TMCO5A: variants seen among roughly 807,000 people sequenced by gnomAD.
The protein encoded by TMCO5A is transmembrane and coiled-coil domains 5A.
A neutral mutation model predicts 42.3 loss-of-function variants in TMCO5A; 34 were observed. The observed-to-expected ratio is 0.80, with a 90% CI of 0.61 to 1.07. The LOEUF is 1.07. Among genes scored for constraint, TMCO5A ranks in the 50% least tolerant of loss-of-function variants. The pLI, the probability that TMCO5A is intolerant of heterozygous loss-of-function variation, is 0.00. For missense variants in TMCO5A, 357 were observed against 327.9 expected, an observed-to-expected ratio of 1.09 and a Z score of -0.69; for synonymous variants, 131 against 115.6, an observed-to-expected ratio of 1.13 and a Z score of -0.86.
chr15:37,981,200 CAAAAAAAAAAAAAA>C, the TMCO5A span, among the ~76,000 whole-genome samples: 3 of 65,346 alleles, frequency 4.6e-5, no homozygotes, highest in African/African-American at 1.1e-4. Flanking sequence ...AGAAAGCCAG[CAAAAAAAAAAAAAA>C]AAAAAAAAAA....
At chr15:38,036,814 T>C in the TMCO5A span, among the ~76,000 whole-genome samples, 1 of 152,272 alleles carries the variant, frequency 6.6e-6, no homozygotes, top group African/African-American at 2.4e-5. Context: ...TCTCTCCATC[T>C]TTAGAAGCTC....
the TMCO5A span, among the ~76,000 whole-genome samples, chr15:37,995,881 C>T: frequency 6.6e-6 from 1 of 151,754 alleles, no homozygotes; most frequent in East Asian, 1.9e-4. Context: ...AACCTGTATT[C>T]ACTTTATCCA....
the TMCO5A span, among the ~76,000 whole-genome samples, chr15:38,030,749 C>A: frequency 2.0e-5 from 3 of 152,176 alleles, no homozygotes; most frequent in African/African-American, 4.8e-5. Flanking sequence ...CCCAAACAAG[C>A]CTTTCTCTTT....
At chr15:37,936,191 A>G (rs1889503292) in intron 2 of TMCO5A, 123 bp from the exon 3 acceptor site, 1 of 1,103,168 alleles carries the variant, frequency 9.1e-7, no homozygotes, top group African/African-American at 1.6e-5. Flanking sequence ...AAGAATGAAA[A>G]TGGTATGCCC....
the TMCO5A span, among the ~76,000 whole-genome samples, chr15:38,012,857 C>T: frequency 1.3e-5 from 2 of 152,122 alleles, no homozygotes; most frequent in Non-Finnish European, 2.9e-5. Context: ...AATTATTAAT[C>T]ATTTATAGGG....
chr15:37,953,857 G>C (rs1311897583), downstream of TMCO5A, among the ~76,000 whole-genome samples: 1 of 151,842 alleles, frequency 6.6e-6, no homozygotes, highest in South Asian at 2.1e-4. Context: ...ATTTAACAAA[G>C]AGATTAAAAT....
the TMCO5A span, among the ~76,000 whole-genome samples, chr15:38,023,377 C>T: frequency 2.0e-5 from 3 of 152,156 alleles, no homozygotes; most frequent in Middle Eastern, 3.2e-3. Flanking sequence ...GCTGGCCAGA[C>T]ATCTCTCTCT....
the TMCO5A span, among the ~76,000 whole-genome samples, chr15:38,038,562 C>T: frequency 6.6e-6 from 1 of 152,104 alleles, no homozygotes; most frequent in Non-Finnish European, 1.5e-5. Flanking sequence ...CCCACCACCA[C>T]GCCCGGCTAA....
the TMCO5A span, among the ~76,000 whole-genome samples, chr15:38,033,087 C>G: frequency 6.6e-6 from 1 of 152,046 alleles, no homozygotes; most frequent in East Asian, 1.9e-4. Context: ...GCCACCTCGC[C>G]CGGCTAATTT....
At chr15:38,019,950 G>A in the TMCO5A span, among the ~76,000 whole-genome samples, 1 of 151,150 alleles carries the variant, frequency 6.6e-6, no homozygotes, top group Admixed American at 6.6e-5. Context: ...ATAATGACAT[G>A]TACAGCATCA....
At chr15:37,999,985 C>CT in the TMCO5A span, among the ~76,000 whole-genome samples, 1 of 152,032 alleles carries the variant, frequency 6.6e-6, no homozygotes, top group Admixed American at 6.5e-5. Flanking sequence ...CTGTAGCTTT[C>CT]TTTTTTTGAT....
the TMCO5A span, among the ~76,000 whole-genome samples, chr15:37,990,181 T>C: frequency 6.6e-6 from 1 of 152,104 alleles, no homozygotes; most frequent in African/African-American, 2.4e-5. Context: ...GTTTTCTTAT[T>C]CATCTTCTGT....
At chr15:37,938,127 A>G in intron 5 of TMCO5A, 31 bp from the exon 6 acceptor site, 1 of 1,534,208 alleles carries the variant, frequency 6.5e-7, no homozygotes. Flanking sequence ...TACACCTTTT[A>G]ATTTAGTATA....
the TMCO5A span, among the ~76,000 whole-genome samples, chr15:38,001,531 C>T: frequency 6.6e-6 from 1 of 150,432 alleles, no homozygotes; most frequent in African/African-American, 2.4e-5. Flanking sequence ...TAAGTAAAGA[C>T]TTACTCCTGT....
At chr15:38,002,861 C>T in the TMCO5A span, among the ~76,000 whole-genome samples, 102 of 152,152 alleles carry the variant, frequency 6.7e-4, no homozygotes, top group Non-Finnish European at 1.3e-3. Flanking sequence ...GTCACAGGTG[C>T]TTATTTCATT....
At chr15:37,951,426 A>G, downstream of TMCO5A, 1 of 573,322 alleles carries the variant, frequency 1.7e-6, no homozygotes. Context: ...TAATAGATTT[A>G]TGTGGCTCTG....
chr15:37,938,126 T>G (rs760125369), intron 5 of TMCO5A, 32 bp from the exon 6 acceptor site: 6 of 1,534,678 alleles, frequency 3.9e-6, no homozygotes, highest in Non-Finnish European at 5.3e-6. Context: ...CTACACCTTT[T>G]AATTTAGTAT....
Position 37,934,952 on chromosome 15 carries a change from A to C in TMCO5A, c.-103+258A>C, listed in dbSNP as rs186194314. 1.3e-3 allele frequency among the ~76,000 whole-genome samples: 194 copies of C among 152,246 alleles called. 2 individuals carry two copies. Among genetic ancestry groups the C allele is most frequent in the African/African-American group, 4.4e-3 (184 of 41,560 alleles). On this transcript the variant is annotated intron_variant, in intron 1 of 11. Transcript: ENST00000319669. ...ACTTATTGATTATCTCTATTTCTTT[A>C]TATTGTCTTGTATAAACTTCCACAG...
the TMCO5A span, among the ~76,000 whole-genome samples, chr15:38,028,666 T>C: frequency 6.6e-6 from 1 of 152,122 alleles, no homozygotes; most frequent in Non-Finnish European, 1.5e-5. Context: ...GTCAAGATAA[T>C]TGTAATTGCA....
Sources: allele counts gnomAD v4.1 joint callset (sites outside exome capture counted in the v4.1 genomes callset), GRCh38; gene constraint gnomAD v4.1.1; transcripts MANE v1.5; gene names NCBI Gene and HGNC (gene_info 2026-07-23, HGNC 2026-07-21).